The following KDM4B variants were observed in gnomAD, a reference collection of about 807,000 sequenced individuals.
The protein encoded by KDM4B is lysine demethylase 4B.
A neutral mutation model predicts 125.2 loss-of-function variants in KDM4B; 32 were observed. The ratio of observed to expected loss-of-function variants is 0.26; its 90% CI spans 0.19 to 0.34. KDM4B has a LOEUF of 0.34. Among genes scored for constraint, KDM4B ranks in the 10% least tolerant of loss-of-function variants. The pLI, the probability that KDM4B is intolerant of heterozygous loss-of-function variation, is 1.00. For synonymous variants in KDM4B, 721 were observed against 677.9 expected, an observed-to-expected ratio of 1.06 and a Z score of -0.99; for missense variants, 1,190 against 1,577.7, an observed-to-expected ratio of 0.75 and a Z score of 4.16.
chr19:5,023,916 G>A (rs1265707506), intron 2 of KDM4B, among the ~76,000 whole-genome samples: 2 of 151,846 alleles, frequency 1.3e-5, no homozygotes, highest in Non-Finnish European at 2.9e-5. Context: ...CACCACGCCT[G>A]GCTGATTTTT....
At chr19:5,029,966 C>T (rs545289755) in intron 2 of KDM4B, among the ~76,000 whole-genome samples, 5 of 152,358 alleles carry the variant, frequency 3.3e-5, no homozygotes, top group African/African-American at 1.2e-4. Flanking sequence ...CTGGGTCTCC[C>T]CAGCGTGGGT....
rs1401007761 is a variant in KDM4B, at chr19:5,032,983, C to T, written c.93C>T (p.Tyr31=). 4.3e-6 allele frequency: 7 copies of T among 1,613,992 alleles called. No individual in the cohort carries two copies. The highest frequency in any genetic ancestry group is 1.3e-5 in the African/African-American group (1 of 74,946). The change falls in exon 3 of 23, where the codon TAC becomes TAT. Residue 31 remains tyrosine (Y), a synonymous_variant. Transcript: ENST00000159111. Reference sequence around the variant, plus strand: ...AAGAATTTAAAGACTTCAACAAATACGTGGCCTACATAGAGTCGCAGGGAG... The same window carrying T: ...AAGAATTTAAAGACTTCAACAAATATGTGGCCTACATAGAGTCGCAGGGAG... ...TMEEFKDFNK[Y]VAYIESQGAH... is the part of the protein sequence containing the mutation.
intron 11 of KDM4B, among the ~76,000 whole-genome samples, chr19:5,125,850 G>A (rs1333629159): frequency 1.3e-5 from 2 of 151,052 alleles, no homozygotes; most frequent in African/African-American, 4.9e-5. Flanking sequence ...AATCTGGCAG[G>A]GGTGGGCGTT....
chr19:5,027,354 C>T (rs1460128540), intron 2 of KDM4B, among the ~76,000 whole-genome samples: 2 of 152,074 alleles, frequency 1.3e-5, no homozygotes, highest in Admixed American at 6.5e-5. Flanking sequence ...CTGTTTCCCA[C>T]GCCTCCCCGC....
At chr19:5,013,730 A>G (rs138542076) in intron 1 of KDM4B, among the ~76,000 whole-genome samples, 47 of 152,312 alleles carry the variant, frequency 3.1e-4, no homozygotes, top group African/African-American at 1.1e-3. Flanking sequence ...CCCTATCTCA[A>G]GATGCCTAAC....
chr19:5,053,768 C>T (rs2037305862), intron 6 of KDM4B, among the ~76,000 whole-genome samples: 1 of 152,254 alleles, frequency 6.6e-6, no homozygotes, highest in Non-Finnish European at 1.5e-5. Context: ...GCCCAGTGCC[C>T]AGGCCAGCTG....
At position 5,119,692 on chromosome 19, in the gene KDM4B, C is replaced by T. The variant is rs140216413; in HGVS notation, c.1155C>T (p.Pro385=). ...RKRSQPKKPK[P]EDPKFPGEGT... is the part of the protein sequence containing the mutation. ...GGAGCCAGCCCAAGAAGCCGAAGCC[C>T]GAAGACCCCAAGTTCCCTGGGGAGG... Residue 385 remains proline (P), a synonymous_variant, in exon 11 of 23, where the codon CCC becomes CCT. Coordinates refer to ENST00000159111, the MANE Select transcript of KDM4B (RefSeq NM_015015.3). 20 of 1,555,994 alleles carry T rather than the reference C, an allele frequency of 1.3e-5. No individual in the cohort carries two copies. Among genetic ancestry groups the T allele is most frequent in the East Asian group, 2.4e-5 (1 of 41,244 alleles).
At chr19:5,149,926 G>T (rs1318638596) in intron 21 of KDM4B, among the ~76,000 whole-genome samples, 1 of 152,242 alleles carries the variant, frequency 6.6e-6, no homozygotes, top group Non-Finnish European at 1.5e-5. Flanking sequence ...AGGCCCCTGA[G>T]TCCGCCTGTC....
rs559461033 is a variant in KDM4B at position 4,997,982 on chromosome 19, T to G, written c.-108-18275T>G. On this transcript the variant is annotated intron_variant, in intron 1 of 22. Coordinates refer to ENST00000159111, the MANE Select transcript of KDM4B (RefSeq NM_015015.3). This position sits in a 1 kb window ranked among gnomAD's most constrained non-coding sequence, Gnocchi z 4.2. ...ATGCATAGATTATTTAGTTAATGAT[T>G]ATGGTTTTAAATGGTTAATTATGGA... is the stretch of plus-strand genomic sequence containing the variant. Among the ~76,000 whole-genome samples the G allele has an allele frequency of 5.9e-5, 9 of 152,376 alleles. No homozygotes were observed. In the South Asian group the frequency reaches 1.0e-3, roughly 18 times the overall value.
At chr19:5,085,893 C>T (rs545276841) in intron 9 of KDM4B, among the ~76,000 whole-genome samples, 96 of 152,300 alleles carry the variant, frequency 6.3e-4, no homozygotes, top group Non-Finnish European at 1.1e-3. Context: ...TAGAGCATCT[C>T]GCCGCACAGA....
chr19:5,068,367 T>C (rs953841940), intron 6 of KDM4B, among the ~76,000 whole-genome samples: 2 of 152,162 alleles, frequency 1.3e-5, no homozygotes, highest in African/African-American at 4.8e-5. Flanking sequence ...GGACTGGGCT[T>C]TTCAGGACAT....
intron 9 of KDM4B, among the ~76,000 whole-genome samples, chr19:5,091,848 T>TTGGCTTCCTGCCTC (rs2038713862): frequency 2.0e-5 from 3 of 152,188 alleles, no homozygotes; most frequent in South Asian, 2.1e-4. Flanking sequence ...TGCCCTGCCT[T>TTGGCTTCCTGCCTC]TGGCTTCCTG....
chr19:5,136,552 A>C (rs1419183637), intron 15 of KDM4B, among the ~76,000 whole-genome samples: 1 of 152,044 alleles, frequency 6.6e-6, no homozygotes, highest in East Asian at 1.9e-4. Flanking sequence ...CCCGGGGCAG[A>C]TGGGCTCCCT....
rs536395258 is a variant in KDM4B at position 5,082,704 on chromosome 19, G to C, written c.918+200G>C. Among the ~76,000 whole-genome samples the C allele has an allele frequency of 6.6e-6, 1 of 152,326 alleles. No homozygotes were observed. The highest frequency in any genetic ancestry group is 2.4e-5 in the African/African-American group (1 of 41,582). Reference sequence around the variant, plus strand: ...TTACCTCGAAGACTGGAGAGGAGGTGGGCAGGTCGGGTGGACGATGGTGGC... The same window carrying C: ...TTACCTCGAAGACTGGAGAGGAGGTCGGCAGGTCGGGTGGACGATGGTGGC... On this transcript the variant is annotated intron_variant, in intron 9 of 22. Coordinates refer to ENST00000159111, the MANE Select transcript of KDM4B (RefSeq NM_015015.3). The surrounding 1 kb of genome is among the most constrained non-coding windows in gnomAD (Gnocchi z 5.4).
At chr19:5,080,972 A>G (rs1216431599) in intron 8 of KDM4B, 1 of 152,204 alleles carries the variant, frequency 6.6e-6, no homozygotes, top group African/African-American at 2.4e-5. Flanking sequence ...AACGCCATTC[A>G]TGTGAACCAC....
chr19:5,102,118 C>T (rs967191382), intron 9 of KDM4B, among the ~76,000 whole-genome samples: 28 of 152,266 alleles, frequency 1.8e-4, no homozygotes, highest in African/African-American at 3.6e-4. Flanking sequence ...GGTGCGTGCC[C>T]GCCACCACCA....
chr19:5,017,889 T>C (rs1022523871), intron 2 of KDM4B, among the ~76,000 whole-genome samples: 82 of 150,588 alleles, frequency 5.4e-4, no homozygotes, highest in Non-Finnish European at 7.7e-4. Context: ...TACACGAGCC[T>C]GCCACCACGC....
In KDM4B at chr19:5,015,157, C is replaced by T. The variant is rs532294622; in HGVS notation, c.-108-1100C>T. ...GGCAGCCTGAGCTGAGAGCCAGCACCGGTGGAGCTCTGAGACGAGGGCTCG... is the reference window on the plus strand; with the variant it reads ...GGCAGCCTGAGCTGAGAGCCAGCACTGGTGGAGCTCTGAGACGAGGGCTCG... On this transcript the variant is annotated intron_variant, in intron 1 of 22. Transcript: ENST00000159111. Among the ~76,000 whole-genome samples the T allele has an allele frequency of 6.5e-4, 99 of 152,276 alleles. No homozygotes were observed. In the South Asian group the frequency reaches 7.0e-3, roughly 11 times the overall value.
At chr19:4,969,297 G>A (rs1400686323) in intron 1 of KDM4B, 67 bp downstream of exon 1, 2 of 146,436 alleles carry the variant, frequency 1.4e-5, no homozygotes, top group African/African-American at 4.9e-5. Context: ...CCGCCCCCGC[G>A]TCGCGGCTCG....
Sources: allele counts gnomAD v4.1 joint callset (sites outside exome capture counted in the v4.1 genomes callset), GRCh38; gene constraint gnomAD v4.1.1; non-coding constraint Gnocchi (gnomAD v3.1); transcripts MANE v1.5; gene names NCBI Gene and HGNC (gene_info 2026-07-23, HGNC 2026-07-21).